The following KLHL32 variants were observed in gnomAD, a reference collection of about 807,000 sequenced individuals.
KLHL32 encodes the protein kelch like family member 32, also known as kelch-like protein 32.
In KLHL32, 35 loss-of-function variants were observed where a neutral mutation model predicts 64.8. That is an observed-to-expected ratio of 0.54 (90% CI 0.41 to 0.72). KLHL32 has a LOEUF of 0.72. Ranked by LOEUF, KLHL32 falls within the 30% of genes least tolerant of loss-of-function variation. The pLI is 0.00. For missense variants in KLHL32, 589 were observed against 768.5 expected (o/e 0.77, Z 2.76); for synonymous variants, 259 against 281.0 (o/e 0.92, Z 0.78).
chr6:96,911,942 C>G, the KLHL32 span, among the ~76,000 whole-genome samples: 1 of 148,844 alleles, frequency 6.7e-6, no homozygotes, highest in Non-Finnish European at 1.5e-5. Flanking sequence ...TGCACCCTCT[C>G]TCTGAGTAAT....
At chr6:97,035,737 A>C (rs1413730741) in intron 3 of KLHL32, among the ~76,000 whole-genome samples, 1 of 152,078 alleles carries the variant, frequency 6.6e-6, no homozygotes, top group Non-Finnish European at 1.5e-5. Context: ...ATGACAAGTC[A>C]CTTTTCTTTT....
chr6:96,930,902 G>A (rs1168830992), intron 1 of KLHL32, among the ~76,000 whole-genome samples: 1 of 151,960 alleles, frequency 6.6e-6, no homozygotes, highest in Non-Finnish European at 1.5e-5. Flanking sequence ...ATCTCTTCAG[G>A]GGTCCACATC....
chr6:97,037,419 TA>T (rs1321466361), intron 3 of KLHL32, among the ~76,000 whole-genome samples: 2 of 151,898 alleles, frequency 1.3e-5, no homozygotes, highest in African/African-American at 4.8e-5. Flanking sequence ...TTTGTTAAAA[TA>T]AAATCCTATT....
At chr6:97,122,343 A>G (rs1340621790) in intron 7 of KLHL32, among the ~76,000 whole-genome samples, 1 of 152,212 alleles carries the variant, frequency 6.6e-6, no homozygotes, top group Non-Finnish European at 1.5e-5. Context: ...ACTAGTTTTA[A>G]TTTAATGCAT....
At chr6:96,953,872 A>C (rs1375630403) in intron 1 of KLHL32, among the ~76,000 whole-genome samples, 2 of 120,870 alleles carry the variant, frequency 1.7e-5, no homozygotes, top group East Asian at 4.7e-4. Context: ...TTTTTTGCTT[A>C]TGTTTTTATA....
intron 5 of KLHL32, among the ~76,000 whole-genome samples, chr6:97,070,977 A>G (rs1790625832): frequency 6.6e-6 from 1 of 152,152 alleles, no homozygotes; most frequent in Non-Finnish European, 1.5e-5. Flanking sequence ...TCCTGAAGCT[A>G]AACCACCTTT....
chr6:97,052,974 T>G (rs1169888799), intron 4 of KLHL32, among the ~76,000 whole-genome samples: 1 of 152,166 alleles, frequency 6.6e-6, no homozygotes, highest in African/African-American at 2.4e-5. Flanking sequence ...GAAATCTCCT[T>G]AGTATTTTCA....
chr6:97,057,589 T>G (rs56761363), intron 4 of KLHL32, among the ~76,000 whole-genome samples: 14,639 of 147,992 alleles, frequency 0.099, 1,343 homozygotes, highest in Admixed American at 0.21. Flanking sequence ...AGATGGTTCA[T>G]TTTTTTCATT....
At chr6:96,905,398 C>T in the KLHL32 span, among the ~76,000 whole-genome samples, 46 of 152,164 alleles carry the variant, frequency 3.0e-4, 1 homozygote, top group Non-Finnish European at 4.9e-4. Flanking sequence ...TTGTTCTCTC[C>T]GTCTGTCTGG....
chr6:97,126,597 TAGATTTGTGCTGCTCAGTATGGTAGCCA>T, intron 7 of KLHL32, among the ~76,000 whole-genome samples: 1 of 152,170 alleles, frequency 6.6e-6, no homozygotes, highest in Non-Finnish European at 1.5e-5. Context: ...TGAAGAGCCC[TAGATTTGTGCTGCTCAGTATGGTAGCCA>T]TTAGCCCCAT....
intron 5 of KLHL32, among the ~76,000 whole-genome samples, chr6:97,067,286 G>A (rs1231118994): frequency 6.6e-6 from 1 of 152,166 alleles, no homozygotes; most frequent in African/African-American, 2.4e-5. Context: ...CCTCTGGCAG[G>A]CTGCTGAGAA....
In KLHL32 at chr6:97,139,384, G is replaced by A. The variant is rs1476082243; in HGVS notation, c.*102G>A. 9.6e-7 allele frequency: 1 copy of A among 1,042,738 alleles called. No individual in the cohort carries two copies. The highest frequency in any genetic ancestry group is 2.6e-5 in the Admixed American group (1 of 38,488). 64.6% of individuals were successfully genotyped at this position (1,042,738 alleles called of 1,614,324 possible). A position where few individuals can be genotyped will look rare whatever the true frequency, so the allele number is the denominator to read the frequency against. The stretch of plus-strand genomic sequence containing the variant: ...CATGCTTCCTTGTCTTGCTTTATAG[G>A]TCTTATATTCGGATAAATTTAAGCA... On this transcript the variant is annotated 3_prime_UTR_variant, in exon 11 of 11. Coordinates refer to ENST00000369261, the MANE Select transcript of KLHL32 (RefSeq NM_052904.4).
At chr6:97,104,441 A>G (rs1290244958) in intron 6 of KLHL32, among the ~76,000 whole-genome samples, 1 of 152,260 alleles carries the variant, frequency 6.6e-6, no homozygotes, top group African/African-American at 2.4e-5. Context: ...AAAGGTGAAC[A>G]TAATAACATT....
At chr6:96,949,764 T>G (rs1189096879) in intron 1 of KLHL32, among the ~76,000 whole-genome samples, 3 of 152,136 alleles carry the variant, frequency 2.0e-5, no homozygotes, top group Non-Finnish European at 2.9e-5. Flanking sequence ...CTCTCTTTTT[T>G]TCCCCTCCTA....
At chr6:97,067,684 A>G (rs1790020536) in intron 5 of KLHL32, among the ~76,000 whole-genome samples, 1 of 152,226 alleles carries the variant, frequency 6.6e-6, no homozygotes, top group Non-Finnish European at 1.5e-5. Flanking sequence ...TTCTTTTTAC[A>G]GATGGAGAAA....
chr6:96,927,869 C>T (rs967978699), intron 1 of KLHL32, among the ~76,000 whole-genome samples: 2 of 152,192 alleles, frequency 1.3e-5, no homozygotes, highest in South Asian at 2.1e-4. Flanking sequence ...CTCCTGGCAG[C>T]GTCCACTTTT....
At chr6:96,989,382 T>C (rs1777564197) in intron 3 of KLHL32, among the ~76,000 whole-genome samples, 1 of 152,220 alleles carries the variant, frequency 6.6e-6, no homozygotes, top group African/African-American at 2.4e-5. Context: ...GATATGAATT[T>C]CTTGGATGGA....
At position 97,048,515 on chromosome 6, in the gene KLHL32, C is replaced by A. The variant is rs1471244821; in HGVS notation, c.312+6916C>A. 7.9e-5 allele frequency among the ~76,000 whole-genome samples: 12 copies of A among 152,324 alleles called. No individual in the cohort carries two copies. The East Asian group carries it at 2.3e-3, about 29-fold the overall frequency. On this transcript the variant is annotated intron_variant, in intron 4 of 10. Transcript: ENST00000369261. ...TCATACTCTGTTAAGGGAAAAATTA[C>A]TTTAAAAATATTCATTCAGTCAGAG... is the stretch of plus-strand genomic sequence containing the variant.
chr6:97,103,226 T>G (rs74696954), intron 6 of KLHL32, among the ~76,000 whole-genome samples: 1 of 150,358 alleles, frequency 6.7e-6, no homozygotes, highest in African/African-American at 2.4e-5. Flanking sequence ...TTTTTTTTTT[T>G]TTTTTGAGAC....
Sources: gnomAD v4.1 joint callset for allele counts (sites outside exome capture counted in the v4.1 genomes callset) on GRCh38, gnomAD v4.1.1 for gene constraint, MANE v1.5 for transcripts, NCBI Gene and HGNC (gene_info 2026-07-23, HGNC 2026-07-21) for gene names.